Variants in ABTB2 observed in about 807,000 individuals in gnomAD.
ABTB2 encodes the protein ankyrin repeat and BTB domain containing 2.
A neutral mutation model predicts 104.1 loss-of-function variants in ABTB2; 56 were observed. The ratio of observed to expected loss-of-function variants is 0.54; its 90% confidence interval spans 0.43 to 0.67. The LOEUF is 0.67. ABTB2 is among the 30% of genes least tolerant of loss of function. The pLI is 0.00. For synonymous variants in ABTB2, 606 were observed against 608.2 expected, an observed-to-expected ratio of 1.00 and a Z score of 0.05; for missense variants, 1,279 against 1,407.7, an observed-to-expected ratio of 0.91 and a Z score of 1.46.
intron 1 of ABTB2, among the ~76,000 whole-genome samples, chr11:34,311,398 GTCC>G (rs1854851532): frequency 6.6e-6 from 1 of 152,220 alleles, no homozygotes; most frequent in Non-Finnish European, 1.5e-5. Context: ...GGCCTCAGCT[GTCC>G]TCATCATTAC....
chr11:34,229,032 T>A (rs1853724818), intron 1 of ABTB2, among the ~76,000 whole-genome samples: 1 of 146,202 alleles, frequency 6.8e-6, no homozygotes, highest in African/African-American at 2.5e-5. Flanking sequence ...GGCAGGAGAA[T>A]TGCTTAAATC....
intron 1 of ABTB2, among the ~76,000 whole-genome samples, chr11:34,296,180 G>A (rs750356462): frequency 2.2e-4 from 33 of 152,186 alleles, no homozygotes; most frequent in Non-Finnish European, 3.7e-4. Flanking sequence ...TGGTGTGTGC[G>A]TATTCTTCAA....
intron 1 of ABTB2, chr11:34,242,336 A>G (rs1025612479): frequency 3.3e-5 from 5 of 152,362 alleles, no homozygotes; most frequent in African/African-American, 1.2e-4. Flanking sequence ...TCCCACCACG[A>G]GGACACCCAG....
intron 1 of ABTB2, among the ~76,000 whole-genome samples, chr11:34,230,454 G>T (rs1853754032): frequency 6.6e-6 from 1 of 152,154 alleles, no homozygotes; most frequent in Non-Finnish European, 1.5e-5. Flanking sequence ...GGGGAGCCCT[G>T]AGGGTTGAGT....
chr11:34,154,808 C>T lies in ABTB2; in HGVS notation c.2698-39G>A, dbSNP rs1416593389. The T allele has an allele frequency of 6.2e-7, 1 of 1,606,858 alleles. No homozygotes were observed. On this transcript the variant is annotated intron_variant, in intron 14 of 16. Coordinates refer to ENST00000435224, the MANE Select transcript of ABTB2 (RefSeq NM_145804.3). This position sits in a 1 kb window ranked among gnomAD's most constrained non-coding sequence, Gnocchi z 4.9. ...AGGCCCATGTGAATGCCACGTGAAC[C>T]TGAGGCATGAAAGTCCTTGCCAGCC... is the stretch of plus-strand genomic sequence containing the variant.
At chr11:34,162,933 GTCT>G in intron 9 of ABTB2, 128 bp from the exon 10 acceptor site, 3 of 872,308 alleles carry the variant, frequency 3.4e-6, no homozygotes, top group Non-Finnish European at 5.2e-6. Flanking sequence ...GAGTTTCATG[GTCT>G]TCCTCCTCCA....
At chr11:34,213,758 C>T (rs1382732325) in intron 1 of ABTB2, among the ~76,000 whole-genome samples, 2 of 152,138 alleles carry the variant, frequency 1.3e-5, no homozygotes, top group Non-Finnish European at 2.9e-5. Context: ...TGTAACCAAG[C>T]AGATCAATTT....
At chr11:34,230,696 G>A (rs1269413245) in intron 1 of ABTB2, among the ~76,000 whole-genome samples, 1 of 152,226 alleles carries the variant, frequency 6.6e-6, no homozygotes, top group East Asian at 1.9e-4. Flanking sequence ...GCCTGAAGTT[G>A]TTGATATGAC....
chr11:34,168,125 C>T (rs1852827410), intron 5 of ABTB2, 133 bp from the exon 6 acceptor site: 2 of 881,622 alleles, frequency 2.3e-6, no homozygotes, highest in African/African-American at 1.6e-5. Context: ...GTCCCCCAGG[C>T]TCTGTGCTTC....
rs1367522816 is a variant in ABTB2 at position 34,160,450 on chromosome 11, A to C, written c.2398-97T>G. 3.6e-6 allele frequency: 3 copies of C among 828,502 alleles called. No homozygotes were observed. In the East Asian group the frequency reaches 7.8e-5, roughly 21 times the overall value. The allele number at this position is 828,502 out of a possible 1,614,324, so 51.3% of individuals were successfully genotyped here. A position where few individuals can be genotyped will look rare whatever the true frequency, so the allele number is the denominator to read the frequency against. On this transcript the variant is annotated intron_variant, in intron 11 of 16. Transcript: ENST00000435224. ...GCTAATTTCAAAAGTCCAGGCCAGGAGTAGTGCAGCCGCTATCTTTTGTTC... is the reference window on the plus strand; with the variant it reads ...GCTAATTTCAAAAGTCCAGGCCAGGCGTAGTGCAGCCGCTATCTTTTGTTC...
chr11:34,210,717 C>T (rs1344460769), intron 1 of ABTB2, among the ~76,000 whole-genome samples: 2 of 152,216 alleles, frequency 1.3e-5, no homozygotes, highest in African/African-American at 4.8e-5. Flanking sequence ...ATGGCCAAGG[C>T]AGCCAAGGCC....
At chr11:34,256,673 T>C (rs1016456363) in intron 1 of ABTB2, among the ~76,000 whole-genome samples, 27 of 152,168 alleles carry the variant, frequency 1.8e-4, no homozygotes, top group Non-Finnish European at 2.9e-5. Flanking sequence ...GAGGTTGGTG[T>C]CAGGTTCCAA....
chr11:34,204,070 G>A (rs184217110), intron 2 of ABTB2, among the ~76,000 whole-genome samples: 12 of 152,290 alleles, frequency 7.9e-5, no homozygotes, highest in African/African-American at 2.9e-4. Flanking sequence ...GATGCCACCT[G>A]GCCACACCTG....
At position 34,356,866 on chromosome 11, in the gene ABTB2, C is replaced by T; in HGVS notation, c.718G>A (p.Glu240Lys). The change falls in exon 1 of 17, where the codon GAG becomes AAG. Residue 240 changes from glutamate (E) to lysine (K), a missense_variant. By Grantham distance (56) the Glu-to-Lys change is moderately conservative. Coordinates refer to ENST00000435224, the MANE Select transcript of ABTB2 (RefSeq NM_145804.3). This position sits in a 1 kb window ranked among gnomAD's most constrained non-coding sequence, Gnocchi z 4.6. Reference sequence around the variant, plus strand: ...GCCATCACCCTGGCCCGGATCTCCTCCACCAGGTTCTCCATGCAGGCGGTG... The same window carrying T: ...GCCATCACCCTGGCCCGGATCTCCTTCACCAGGTTCTCCATGCAGGCGGTG... Reference protein sequence around the residue: ...SLTACMENLVEEIRARVMASH... With the variant: ...SLTACMENLVKEIRARVMASH... The T allele has an allele frequency of 6.2e-7, 1 of 1,606,044 alleles. No individual in the cohort carries two copies. The highest frequency in any genetic ancestry group is 8.5e-7 in the Non-Finnish European group (1 of 1,176,448).
chr11:34,298,525 T>C (rs890695415), intron 1 of ABTB2, among the ~76,000 whole-genome samples: 2 of 151,962 alleles, frequency 1.3e-5, no homozygotes, highest in African/African-American at 2.4e-5. Context: ...TGCAGTGGCA[T>C]GATCTCGGCT....
At chr11:34,288,539 A>ACAGAACAGACAGAGCC (rs147912452) in intron 1 of ABTB2, among the ~76,000 whole-genome samples, 10 of 152,070 alleles carry the variant, frequency 6.6e-5, no homozygotes, top group Admixed American at 2.0e-4. Context: ...AAAAATTGTA[A>ACAGAACAGACAGAGCC]CAGAACAGAC....
chr11:34,296,754 T>G (rs568562183), intron 1 of ABTB2, among the ~76,000 whole-genome samples: 1 of 152,294 alleles, frequency 6.6e-6, no homozygotes, highest in Non-Finnish European at 1.5e-5. Flanking sequence ...AAAAAACTAT[T>G]TCTTTTAAAG....
intron 1 of ABTB2, among the ~76,000 whole-genome samples, chr11:34,235,360 C>A (rs991379481): frequency 5.3e-5 from 8 of 152,178 alleles, no homozygotes; most frequent in Admixed American, 3.9e-4. Flanking sequence ...CTCTAGACCT[C>A]AGTTTCTTCA....
chr11:34,344,447 C>T lies in ABTB2; in HGVS notation c.883+12254G>A, dbSNP rs538132173. 2.6e-5 allele frequency among the ~76,000 whole-genome samples: 4 copies of T among 152,294 alleles called. No individual in the cohort carries two copies. The East Asian group carries it at 7.7e-4, about 29-fold the overall frequency. On this transcript the variant is annotated intron_variant, in intron 1 of 16. Coordinates refer to ENST00000435224, the MANE Select transcript of ABTB2 (RefSeq NM_145804.3). ...GGGCAAAGAAGGGCAATATTTCAAT[C>T]CATCATATGACTAATGAAGTTCAAG...
Sources: gnomAD v4.1 joint callset for allele counts (sites outside exome capture counted in the v4.1 genomes callset) on GRCh38, gnomAD v4.1.1 for gene constraint, Gnocchi (gnomAD v3.1) non-coding constraint, MANE v1.5 for transcripts, NCBI Gene and HGNC (gene_info 2026-07-23, HGNC 2026-07-21) for gene names.